NUDT9: variants seen among roughly 807,000 people sequenced by gnomAD.
The protein encoded by NUDT9 is nudix hydrolase 9.
In NUDT9, 31 loss-of-function variants were observed where a neutral mutation model predicts 41.0. That is an observed-to-expected ratio of 0.76 (90% CI 0.57 to 1.02). NUDT9 has a LOEUF of 1.02. Ranked by LOEUF, NUDT9 falls within the 50% of genes least tolerant of loss-of-function variation. The pLI, the probability that NUDT9 is intolerant of heterozygous loss-of-function variation, is 0.00. For synonymous variants in NUDT9, 146 were observed against 147.6 expected (o/e 0.99, Z 0.08); for missense variants, 380 against 431.4 (o/e 0.88, Z 1.06).
Position 87,439,496 on chromosome 4 carries a change from A to C in NUDT9, c.443+1124A>C, listed in dbSNP as rs552072147. 4.6e-5 allele frequency among the ~76,000 whole-genome samples: 7 copies of C among 152,048 alleles called. No individual in the cohort carries two copies. The South Asian group carries it at 1.5e-3, about 32-fold the overall frequency. On this transcript the variant is annotated intron_variant, in intron 3 of 7. Coordinates refer to ENST00000302174, the MANE Select transcript of NUDT9 (RefSeq NM_024047.5). ...TATGGCAGAACCCTGTCTCTACTAA[A>C]AATACAAAAATTAGCTGGGCTTGGT...
chr4:87,454,768 CA>C (rs1722914702), intron 7 of NUDT9, among the ~76,000 whole-genome samples: 1 of 151,592 alleles, frequency 6.6e-6, no homozygotes, highest in Admixed American at 6.6e-5. Context: ...CCTTTTTTTG[CA>C]AAACAAAAGC....
chr4:87,434,057 T>C (rs926127034), intron 1 of NUDT9, among the ~76,000 whole-genome samples: 2 of 152,182 alleles, frequency 1.3e-5, no homozygotes. Flanking sequence ...TTCTTTTATA[T>C]GTATATATAT....
At chr4:87,438,430 A>C in intron 3 of NUDT9, 58 bp downstream of exon 3, 1 of 930,998 alleles carries the variant, frequency 1.1e-6, no homozygotes, top group Non-Finnish European at 1.7e-6. Flanking sequence ...TAGAAAAGAT[A>C]GTTCATATTT....
At chr4:87,438,075 GGTGTT>G (rs1245196647) in intron 2 of NUDT9, among the ~76,000 whole-genome samples, 197 bp from the exon 3 acceptor site, 1 of 151,232 alleles carries the variant, frequency 6.6e-6, no homozygotes, top group African/African-American at 2.4e-5. Context: ...TGTAATGTGT[GGTGTT>G]TTGGTTAAAA....
At position 87,451,951 on chromosome 4, in the gene NUDT9, T is replaced by C. The variant is rs1722732454; in HGVS notation, c.789+216T>C. ...TTAGGCTATATAGGCTAAAATGATA[T>C]ATATTTAGTTCATTTATATCATTTA... On this transcript the variant is annotated intron_variant, in intron 6 of 7. Transcript: ENST00000302174. 2.6e-5 allele frequency among the ~76,000 whole-genome samples: 4 copies of C among 151,846 alleles called. No homozygotes were observed. In the South Asian group the frequency reaches 6.2e-4, roughly 24 times the overall value.
intron 5 of NUDT9, among the ~76,000 whole-genome samples, chr4:87,449,553 G>A (rs1722618258): frequency 6.6e-6 from 1 of 151,998 alleles, no homozygotes; most frequent in Non-Finnish European, 1.5e-5. Flanking sequence ...GGGAGTTCAG[G>A]CCCTCATCTT....
At chr4:87,428,233 G>A (rs181343510) in intron 1 of NUDT9, among the ~76,000 whole-genome samples, 2 of 152,280 alleles carry the variant, frequency 1.3e-5, no homozygotes, top group East Asian at 3.9e-4. Flanking sequence ...GTCTTTAAAT[G>A]TGATGAAAGA....
chr4:87,427,950 G>A (rs1721506532), intron 1 of NUDT9, among the ~76,000 whole-genome samples: 1 of 152,058 alleles, frequency 6.6e-6, no homozygotes, highest in African/African-American at 2.4e-5. Flanking sequence ...GGTGAGTGAG[G>A]GAGACTTTAT....
intron 6 of NUDT9, 44 bp from the exon 7 acceptor site, chr4:87,454,327 C>T (rs377508963): frequency 3.6e-6 from 4 of 1,109,110 alleles, no homozygotes; most frequent in Non-Finnish European, 5.5e-6. Context: ...GCTGTACTCA[C>T]TACACCTTGG....
At position 87,454,449 on chromosome 4, in the gene NUDT9, G is replaced by A. The variant is rs766600401; in HGVS notation, c.868G>A (p.Glu290Lys). 12 of 1,597,838 alleles carry A rather than the reference G, an allele frequency of 7.5e-6. No homozygotes were observed. Among genetic ancestry groups the A allele is most frequent in the East Asian group, 6.7e-5 (3 of 44,778 alleles). The change falls in exon 7 of 8, where the codon GAA becomes AAA. Residue 290 changes from glutamate to lysine, a missense_variant. Glu to Lys is a moderately conservative substitution (Grantham distance 56, BLOSUM62 1). Coordinates refer to ENST00000302174, the MANE Select transcript of NUDT9 (RefSeq NM_024047.5). Reference sequence around the variant, plus strand: ...GACAGAAGCTGTGAACTACCATGACGAAACAGGTAACTTTATATTTATTAA... The same window carrying A: ...GACAGAAGCTGTGAACTACCATGACAAAACAGGTAACTTTATATTTATTAA... ...METEAVNYHDETGEIMDNLML... is the reference protein window; with the variant it reads ...METEAVNYHDKTGEIMDNLML...
chr4:87,449,919 T>C (rs970547597), intron 5 of NUDT9, among the ~76,000 whole-genome samples: 42 of 151,886 alleles, frequency 2.8e-4, no homozygotes, highest in Non-Finnish European at 2.9e-5. Context: ...CTGGAGTGCA[T>C]TGGCGCAATC....
chr4:87,440,942 G>A (rs1722179537), intron 3 of NUDT9, among the ~76,000 whole-genome samples: 1 of 152,046 alleles, frequency 6.6e-6, no homozygotes, highest in South Asian at 2.1e-4. Flanking sequence ...CAGGTGTCTT[G>A]TCTCTTCTTT....
chr4:87,456,396 C>T (rs1185810409), intron 7 of NUDT9, among the ~76,000 whole-genome samples: 3 of 152,150 alleles, frequency 2.0e-5, no homozygotes, highest in African/African-American at 7.2e-5. Flanking sequence ...TATTTCCTTT[C>T]CCTCAGGTTG....
rs150509773 is a variant in NUDT9 at position 87,455,906 on chromosome 4, C to T, written c.874+1451C>T. ...CAAACTCCTTACTTCAGGTAATCCACCCACCTTGGCCTCCCAAAGTGCTGG... is the reference window on the plus strand; with the variant it reads ...CAAACTCCTTACTTCAGGTAATCCATCCACCTTGGCCTCCCAAAGTGCTGG... On this transcript the variant is annotated intron_variant, in intron 7 of 7. Transcript: ENST00000302174. 9.6e-3 allele frequency among the ~76,000 whole-genome samples: 1,458 copies of T among 152,214 alleles called. 18 individuals are homozygous for T. The highest frequency in any genetic ancestry group is 0.029 in the African/African-American group (1,220 of 41,516).
intron 1 of NUDT9, among the ~76,000 whole-genome samples, chr4:87,431,427 G>A (rs532080929): frequency 3.3e-5 from 5 of 152,162 alleles, no homozygotes; most frequent in South Asian, 2.1e-4. Flanking sequence ...GAATTTTAAG[G>A]TAGAGTTTTC....
chr4:87,455,611 A>G (rs28712618), intron 7 of NUDT9, among the ~76,000 whole-genome samples: 38,052 of 146,230 alleles, frequency 0.26, 4,856 homozygotes, highest in African/African-American at 0.3. Context: ...TCTTTAGGCT[A>G]TGTTTTTTGC....
In NUDT9 at chr4:87,458,082, A is replaced by G. The variant is rs567433585; in HGVS notation, c.*61A>G. The G allele has an allele frequency of 4.5e-5, 64 of 1,423,508 alleles. No homozygotes were observed. The highest frequency in any genetic ancestry group is 2.1e-4 in the South Asian group (12 of 58,522). The allele number at this position is 1,423,508 out of a possible 1,614,324, so 88.2% of individuals were successfully genotyped here. A position where few individuals can be genotyped will look rare whatever the true frequency, so the allele number is the denominator to read the frequency against. On this transcript the variant is annotated 3_prime_UTR_variant, in exon 8 of 8. Transcript: ENST00000302174. The stretch of plus-strand genomic sequence containing the variant: ...GAGCATATACTGAAAAGAAGGCAGT[A>G]TCACAGAATTTATACTATAAAAAGG...
Position 87,457,852 on chromosome 4 carries a change from T to C in NUDT9, c.884T>C (p.Met295Thr), listed in dbSNP as rs1192571918. Reference sequence around the variant, plus strand: ...TTTCTTTGGCAACCAGGTGAGATAATGGATAATCTTATGCTAGAAGCTGGA... The same window carrying C: ...TTTCTTTGGCAACCAGGTGAGATAACGGATAATCTTATGCTAGAAGCTGGA... Reference protein sequence around the residue: ...VNYHDETGEIMDNLMLEAGDD... With the variant: ...VNYHDETGEITDNLMLEAGDD... Residue 295 changes from methionine to threonine, a missense_variant, in exon 8 of 8, where the codon ATG becomes ACG. Transcript: ENST00000302174. The C allele has an allele frequency of 6.2e-7, 1 of 1,610,176 alleles. No individual in the cohort carries two copies. The highest frequency in any genetic ancestry group is 8.5e-7 in the Non-Finnish European group (1 of 1,178,714).
At chr4:87,432,113 G>A (rs142287231) in intron 1 of NUDT9, among the ~76,000 whole-genome samples, 1 of 152,278 alleles carries the variant, frequency 6.6e-6, no homozygotes, top group East Asian at 1.9e-4. Context: ...AACATCATGC[G>A]ATGTGTAAAT....
Sources: gnomAD v4.1 joint callset for allele counts (sites outside exome capture counted in the v4.1 genomes callset) on GRCh38, gnomAD v4.1.1 for gene constraint, MANE v1.5 for transcripts, NCBI Gene and HGNC (gene_info 2026-07-23, HGNC 2026-07-21) for gene names.